CACNA2D3: variants seen among roughly 807,000 people sequenced by gnomAD.
The protein encoded by CACNA2D3 is voltage-dependent calcium channel subunit alpha-2/delta-3.
A neutral mutation model predicts 160.6 loss-of-function variants in CACNA2D3; 60 were observed. That is an observed-to-expected ratio of 0.37 (90% CI 0.30 to 0.46). The LOEUF (loss-of-function observed/expected upper bound fraction) is 0.46, where lower values mean the gene tolerates loss of function less well. Ranked by LOEUF, CACNA2D3 falls within the 20% of genes least tolerant of loss-of-function variation. CACNA2D3 has a pLI of 1.00. For synonymous variants in CACNA2D3, 558 were observed against 492.9 expected (o/e 1.13, Z -1.75); for missense variants, 1,205 against 1,365.0 (o/e 0.88, Z 1.85).
intron 29 of CACNA2D3, among the ~76,000 whole-genome samples, chr3:54,975,884 G>A (rs1050169593): frequency 3.3e-5 from 5 of 152,054 alleles, no homozygotes; most frequent in Admixed American, 2.6e-4. Flanking sequence ...TGACCCAGAC[G>A]TCAGTCACTT....
At chr3:54,498,693 T>A (rs924043694) in intron 4 of CACNA2D3, among the ~76,000 whole-genome samples, 2 of 151,966 alleles carry the variant, frequency 1.3e-5, no homozygotes, top group African/African-American at 4.8e-5. Flanking sequence ...AATTTTTTTC[T>A]TCTATATTAT....
rs572774731 is a variant in CACNA2D3, at chr3:55,022,284, A to G, written c.2987+3967A>G. 2.0e-5 allele frequency among the ~76,000 whole-genome samples: 3 copies of G among 152,194 alleles called. No individual in the cohort carries two copies. In the South Asian group the frequency reaches 6.2e-4, roughly 32 times the overall value. On this transcript the variant is annotated intron_variant, in intron 35 of 37. Transcript: ENST00000474759. ...GGTTTGCTAATAGCAGAGGTACACT[A>G]GCTCTATTTTGGTAATACTTGCTAG...
At chr3:54,678,748 A>AAAAAAAAAAAAG in intron 11 of CACNA2D3, among the ~76,000 whole-genome samples, 1 of 145,874 alleles carries the variant, frequency 6.9e-6, no homozygotes, top group Non-Finnish European at 1.5e-5. Flanking sequence ...AAAAAAAAAA[A>AAAAAAAAAAAAG]AGTTGATGAT....
intron 2 of CACNA2D3, among the ~76,000 whole-genome samples, chr3:54,146,953 G>A (rs527408723): frequency 1.2e-4 from 18 of 152,372 alleles, no homozygotes; most frequent in South Asian, 8.3e-4. Context: ...GCGGCTGAAG[G>A]CCTTCTCTTA....
At chr3:54,731,354 T>C (rs1701381126) in intron 11 of CACNA2D3, among the ~76,000 whole-genome samples, 2 of 152,220 alleles carry the variant, frequency 1.3e-5, no homozygotes, top group South Asian at 4.1e-4. Context: ...GACACTTGAC[T>C]GTATCCTTCT....
intron 11 of CACNA2D3, among the ~76,000 whole-genome samples, chr3:54,746,749 T>G (rs988904185): frequency 6.6e-6 from 1 of 152,200 alleles, no homozygotes; most frequent in African/African-American, 2.4e-5. Context: ...TTTTTGAGGC[T>G]CATAAGTGCT....
intron 2 of CACNA2D3, among the ~76,000 whole-genome samples, chr3:54,201,104 T>C (rs1701170367): frequency 1.3e-5 from 2 of 152,332 alleles, no homozygotes; most frequent in South Asian, 4.1e-4. Flanking sequence ...TTTGGTGACA[T>C]AGTACAGCAA....
intron 18 of CACNA2D3, chr3:54,875,643 C>T (rs1260207173): frequency 1.3e-5 from 2 of 152,180 alleles, no homozygotes; most frequent in Non-Finnish European, 2.9e-5. Context: ...ACGTGGCTTC[C>T]ACCTGTAACG....
At chr3:54,511,683 AG>A (rs1158747947) in intron 5 of CACNA2D3, among the ~76,000 whole-genome samples, 12 of 152,194 alleles carry the variant, frequency 7.9e-5, no homozygotes, top group African/African-American at 2.9e-4. Flanking sequence ...AAATTCTGAA[AG>A]GTGGTACCAG....
intron 11 of CACNA2D3, among the ~76,000 whole-genome samples, chr3:54,751,576 G>A (rs563229010): frequency 8.5e-5 from 13 of 152,268 alleles, no homozygotes; most frequent in Middle Eastern, 6.8e-3. Flanking sequence ...GGATACTCTA[G>A]TGGAGCAGAT....
intron 31 of CACNA2D3, among the ~76,000 whole-genome samples, chr3:55,000,143 T>C (rs1315931695): frequency 1.3e-5 from 2 of 152,192 alleles, no homozygotes; most frequent in Non-Finnish European, 2.9e-5. Context: ...CTGGGCATGA[T>C]TCTCAGAGCT....
chr3:54,891,188 T>TGTGC (rs1700058600), intron 24 of CACNA2D3, among the ~76,000 whole-genome samples, 167 bp from the exon 25 acceptor site: 1 of 148,582 alleles, frequency 6.7e-6, no homozygotes, highest in South Asian at 2.1e-4. Flanking sequence ...CTCGTGTGTG[T>TGTGC]GTGTGTGTGT....
chr3:54,280,184 C>T (rs1702841344), intron 2 of CACNA2D3, among the ~76,000 whole-genome samples: 1 of 152,064 alleles, frequency 6.6e-6, no homozygotes, highest in African/African-American at 2.4e-5. Flanking sequence ...TGGGTTCACG[C>T]CATTCTCCTG....
chr3:54,440,544 GT>G (rs1163767169), intron 4 of CACNA2D3, among the ~76,000 whole-genome samples: 1 of 152,038 alleles, frequency 6.6e-6, no homozygotes, highest in African/African-American at 2.4e-5. Context: ...ATGCAGCTTA[GT>G]TACATATGTA....
chr3:54,285,873 C>A (rs887704324), intron 2 of CACNA2D3, among the ~76,000 whole-genome samples: 4 of 152,202 alleles, frequency 2.6e-5, no homozygotes, highest in Non-Finnish European at 2.9e-5. Context: ...AGGGTCCTGT[C>A]TGGTAGAAGG....
chr3:54,644,441 TC>T (rs1699592779), intron 11 of CACNA2D3, among the ~76,000 whole-genome samples: 1 of 152,188 alleles, frequency 6.6e-6, no homozygotes, highest in South Asian at 2.1e-4. Context: ...TTTATGAACT[TC>T]CATGTGAAGG....
intron 4 of CACNA2D3, among the ~76,000 whole-genome samples, chr3:54,501,489 C>T (rs994473359): frequency 5.9e-5 from 9 of 151,572 alleles, no homozygotes; most frequent in Admixed American, 2.0e-4. Flanking sequence ...TCACTGCAGC[C>T]TCAACCTCCC....
chr3:54,216,653 A>T (rs1701468584), intron 2 of CACNA2D3, among the ~76,000 whole-genome samples: 1 of 152,202 alleles, frequency 6.6e-6, no homozygotes, highest in Non-Finnish European at 1.5e-5. Context: ...GCATAATTGG[A>T]GTTAGAAAGC....
At chr3:54,914,169 C>T (rs1430609273) in intron 27 of CACNA2D3, among the ~76,000 whole-genome samples, 1 of 152,026 alleles carries the variant, frequency 6.6e-6, no homozygotes, top group Non-Finnish European at 1.5e-5. Flanking sequence ...CCTTTCCATG[C>T]TTCCATTTCT....
Sources: allele counts gnomAD v4.1 joint callset (sites outside exome capture counted in the v4.1 genomes callset), GRCh38; gene constraint gnomAD v4.1.1; transcripts MANE v1.5; gene names NCBI Gene and HGNC (gene_info 2026-07-23, HGNC 2026-07-21).